The following BANP variants were observed in gnomAD, a reference collection of about 807,000 sequenced individuals.
BANP encodes the protein BTG3 associated nuclear protein.
Under a neutral mutation model 68.1 loss-of-function variants are expected in BANP, and 11 were observed. That is an observed-to-expected ratio of 0.16 (90% confidence interval 0.10 to 0.27). BANP has a LOEUF of 0.27. Ranked by LOEUF, BANP falls within the 10% of genes least tolerant of loss-of-function variation. The pLI, the probability that BANP is intolerant of heterozygous loss-of-function variation, is 1.00. For missense variants in BANP, 504 were observed against 722.7 expected (o/e 0.70, Z 3.47); for synonymous variants, 329 against 303.2 (o/e 1.09, Z -0.88).
intron 11 of BANP, among the ~76,000 whole-genome samples, chr16:88,047,059 C>G (rs2082192192): frequency 6.9e-6 from 1 of 143,960 alleles, no homozygotes; most frequent in Admixed American, 6.7e-5. Context: ...TAGCGAGACT[C>G]CGTCTCAAAA....
chr16:87,962,596 T>TAA (rs1179836777), intron 1 of BANP, among the ~76,000 whole-genome samples: 1 of 152,164 alleles, frequency 6.6e-6, no homozygotes, highest in Non-Finnish European at 1.5e-5. Flanking sequence ...TTATGCATGC[T>TAA]AATATATTCA....
rs1202209988 is a variant in BANP, at chr16:88,018,232, TGTTCCGCGTCA to T, written c.656-191_656-181del. Among the ~76,000 whole-genome samples the T allele has an allele frequency of 2.0e-5, 3 of 151,918 alleles. No homozygotes were observed. The highest frequency in any genetic ancestry group is 2.9e-5 in the Non-Finnish European group (2 of 67,946). ...TTCTCGGGGGTGGTGGGATCGTGTC[TGTTCCGCGTCA>T]GTTCTTTCTTGGGCAGCAGTCGGAG... On this transcript the variant is annotated intron_variant, in intron 6 of 13. Coordinates refer to ENST00000682872, the MANE Select transcript of BANP (RefSeq NM_001386991.1). The surrounding 1 kb of genome is among the most constrained non-coding windows in gnomAD (Gnocchi z 7.7).
At chr16:88,037,926 T>G (rs770923492) in intron 10 of BANP, 47 bp from the exon 11 acceptor site, 2 of 1,583,896 alleles carry the variant, frequency 1.3e-6, no homozygotes, top group South Asian at 2.2e-5. Flanking sequence ...TGAGGGTGTC[T>G]TGGTGTGTTT....
chr16:88,006,337 T>C, intron 6 of BANP, 72 bp downstream of exon 6: 3 of 1,508,026 alleles, frequency 2.0e-6, no homozygotes, highest in Admixed American at 2.1e-5. Context: ...TTTAGAAATT[T>C]TGTTGTTTTT....
intron 2 of BANP, among the ~76,000 whole-genome samples, chr16:87,976,159 T>G (rs2062079469): frequency 6.6e-6 from 1 of 152,228 alleles, no homozygotes; most frequent in Admixed American, 6.5e-5. Context: ...AGAAGATCCT[T>G]GCATATATAT....
In BANP at chr16:87,980,783, A is replaced by C. The variant is rs573367574; in HGVS notation, c.71-253A>C. On this transcript the variant is annotated intron_variant, in intron 2 of 13. Coordinates refer to ENST00000682872, the MANE Select transcript of BANP (RefSeq NM_001386991.1). ...CGCAGAGCATGGAGTCAGAAGTCAG[A>C]AGCTTGCAGGTTTGGAGTTAGGACT... The C allele has an allele frequency of 8.8e-4, 411 of 464,456 alleles. 1 individual carries two copies. Among genetic ancestry groups the C allele is most frequent in the Non-Finnish European group, 7.0e-4 (180 of 256,864 alleles). The allele number at this position is 464,456 out of a possible 1,614,324, so 28.8% of individuals were successfully genotyped here. A position where few individuals can be genotyped will look rare whatever the true frequency, so the allele number is the denominator to read the frequency against.
At chr16:88,031,358 A>T (rs1342650926) in intron 8 of BANP, among the ~76,000 whole-genome samples, 1 of 152,188 alleles carries the variant, frequency 6.6e-6, no homozygotes, top group African/African-American at 2.4e-5. Context: ...CATTCTGTTA[A>T]TGTGACTGGG....
intron 1 of BANP, among the ~76,000 whole-genome samples, chr16:87,960,338 T>C (rs184370005): frequency 4.1e-4 from 62 of 152,194 alleles, no homozygotes; most frequent in African/African-American, 1.5e-3. Context: ...CAGCAGCTCT[T>C]GGGAAGAGCC....
intron 6 of BANP, among the ~76,000 whole-genome samples, chr16:88,015,374 C>T (rs761499996): frequency 2.0e-5 from 3 of 152,246 alleles, no homozygotes; most frequent in African/African-American, 4.8e-5. Flanking sequence ...CAGTTCAGCT[C>T]GGACCACGCT....
intron 7 of BANP, among the ~76,000 whole-genome samples, chr16:88,019,051 G>T (rs1377267087): frequency 6.6e-6 from 1 of 152,194 alleles, no homozygotes; most frequent in Non-Finnish European, 1.5e-5. Context: ...TCTCCTAAGC[G>T]GGTGGAGTGC....
chr16:88,068,864 AG>A (rs2089523304), intron 12 of BANP, among the ~76,000 whole-genome samples: 1 of 144,320 alleles, frequency 6.9e-6, no homozygotes, highest in African/African-American at 2.6e-5. Context: ...TTCTCTCTGC[AG>A]GGGCTCCACC....
At chr16:88,001,369 G>T (rs1350864348) in intron 4 of BANP, among the ~76,000 whole-genome samples, 14 of 143,888 alleles carry the variant, frequency 9.7e-5, no homozygotes, top group Admixed American at 1.4e-4. Flanking sequence ...TGCGTGGCTG[G>T]ACTTACCTGT....
chr16:88,074,690 C>T (rs573205552), intron 13 of BANP, among the ~76,000 whole-genome samples: 8 of 151,622 alleles, frequency 5.3e-5, no homozygotes, highest in South Asian at 4.2e-4. Context: ...CAGGCGGTGG[C>T]CCCCCTACCC....
At position 87,975,166 on chromosome 16, in the gene BANP, C is replaced by T; in HGVS notation, c.51C>T (p.Asp17=). Residue 17 remains aspartate, a synonymous_variant, in exon 2 of 14, where the codon GAC becomes GAT. Transcript: ENST00000682872. The part of the protein sequence containing the change: ...LADVVQIAVE[D]LSPDHPVVLE... ...ATGTGGTTCAGATTGCAGTGGAAGA[C>T]CTGAGCCCTGACCACCCAGGTACAG... 1 of 1,614,126 alleles carries T rather than the reference C, an allele frequency of 6.2e-7. No individual in the cohort carries two copies. Among genetic ancestry groups the T allele is most frequent in the South Asian group, 1.1e-5 (1 of 91,080 alleles).
intron 11 of BANP, among the ~76,000 whole-genome samples, chr16:88,046,225 T>A (rs767941096): frequency 6.6e-6 from 1 of 152,212 alleles, no homozygotes; most frequent in Non-Finnish European, 1.5e-5. Context: ...CTTTTGCATG[T>A]GTGAATGTGT....
intron 4 of BANP, among the ~76,000 whole-genome samples, chr16:87,986,644 G>T (rs943263022): frequency 6.6e-6 from 1 of 152,214 alleles, no homozygotes; most frequent in South Asian, 2.1e-4. Context: ...GAGGGTAACA[G>T]TGTCTGTGCT....
intron 1 of BANP, among the ~76,000 whole-genome samples, chr16:87,960,439 G>T (rs117627322): frequency 6.6e-6 from 1 of 152,234 alleles, no homozygotes; most frequent in African/African-American, 2.4e-5. Flanking sequence ...GGCACATCGT[G>T]TATTGGCAGG....
chr16:88,027,628 CTCG>C lies in BANP; in HGVS notation c.1044_1046del (p.Ser350del). The C allele has an allele frequency of 6.2e-7, 1 of 1,613,576 alleles. No individual in the cohort carries two copies. The highest frequency in any genetic ancestry group is 1.1e-5 in the South Asian group (1 of 91,070). ...AGAGCTTCTCGCGGAGAACGCCCAA[CTCG>C]TCCTCCTACTGCCCTTCAGGTAGGC... On this transcript the variant is annotated inframe_deletion, in exon 8 of 14. Coordinates refer to ENST00000682872, the MANE Select transcript of BANP (RefSeq NM_001386991.1).
Position 88,072,085 on chromosome 16 carries a change from A to C in BANP, c.1394A>C (p.Gln465Pro). Residue 465 changes from glutamine (Q) to proline (P), a missense_variant, in exon 13 of 14, where the codon CAG becomes CCG. Coordinates refer to ENST00000682872, the MANE Select transcript of BANP (RefSeq NM_001386991.1). ...TCCCTCCAGGTGCTGCAGGGTGCAC[A>C]GCTGATCGCCGTGGCCTCCTCGGAC... is the stretch of plus-strand genomic sequence containing the variant. Reference protein sequence around the residue: ...ASSGQVLQGAQLIAVASSDPA... With the variant: ...ASSGQVLQGAPLIAVASSDPA... 1 of 1,585,894 alleles carries C rather than the reference A, an allele frequency of 6.3e-7. No individual in the cohort carries two copies. Among genetic ancestry groups the C allele is most frequent in the Non-Finnish European group, 8.6e-7 (1 of 1,167,814 alleles).
Sources: allele counts gnomAD v4.1 joint callset (sites outside exome capture counted in the v4.1 genomes callset), GRCh38; gene constraint gnomAD v4.1.1; non-coding constraint Gnocchi (gnomAD v3.1); transcripts MANE v1.5; gene names NCBI Gene and HGNC (gene_info 2026-07-23, HGNC 2026-07-21).